SEMA6D: variants seen among roughly 807,000 people sequenced by gnomAD.
SEMA6D encodes the protein semaphorin-6D.
In SEMA6D, 35 loss-of-function variants were observed where a neutral mutation model predicts 106.6. That is an observed-to-expected ratio of 0.33 (90% CI 0.25 to 0.44). The LOEUF is 0.44. SEMA6D is among the 20% of genes least tolerant of loss of function. The probability of loss-of-function intolerance (pLI) is 1.00; values close to 1 mark genes in which losing one functional copy is unlikely to be tolerated. For synonymous variants in SEMA6D, 499 were observed against 487.7 expected (o/e 1.02, Z -0.31); for missense variants, 1,185 against 1,345.9 (o/e 0.88, Z 1.87).
At chr15:47,518,369 G>C (rs928599595) in intron 3 of SEMA6D, among the ~76,000 whole-genome samples, 1 of 152,126 alleles carries the variant, frequency 6.6e-6, no homozygotes, top group Non-Finnish European at 1.5e-5. Flanking sequence ...AAGCTCTTTG[G>C]TTCACTTTCT....
intron 3 of SEMA6D, among the ~76,000 whole-genome samples, chr15:47,584,256 C>G (rs1215172683): frequency 6.6e-6 from 1 of 152,170 alleles, no homozygotes; most frequent in Non-Finnish European, 1.5e-5. Flanking sequence ...AACCCCTTCT[C>G]TACTAAAAAT....
At chr15:47,608,516 G>A (rs542137690) in intron 4 of SEMA6D, among the ~76,000 whole-genome samples, 8 of 152,230 alleles carry the variant, frequency 5.3e-5, no homozygotes, top group Admixed American at 3.9e-4. Flanking sequence ...GTGGAGGAAA[G>A]CTACTTTTTT....
At chr15:47,214,359 G>T (rs2030355633) in intron 1 of SEMA6D, among the ~76,000 whole-genome samples, 2 of 152,142 alleles carry the variant, frequency 1.3e-5, no homozygotes, top group South Asian at 4.1e-4. Flanking sequence ...GAAAAGCACA[G>T]TCTGGAAGGC....
At chr15:47,384,618 GCT>G (rs1396149186) in intron 1 of SEMA6D, among the ~76,000 whole-genome samples, 1 of 152,016 alleles carries the variant, frequency 6.6e-6, no homozygotes, top group African/African-American at 2.4e-5. Context: ...TGAGTGGAGA[GCT>G]CCAAACGCCT....
At chr15:47,231,186 A>G (rs529655386) in intron 1 of SEMA6D, among the ~76,000 whole-genome samples, 1 of 151,126 alleles carries the variant, frequency 6.6e-6, no homozygotes, top group Non-Finnish European at 1.5e-5. Context: ...TTTGGCTTGA[A>G]TGTCGAGCTT....
chr15:47,415,255 G>A (rs1255466590), intron 2 of SEMA6D, among the ~76,000 whole-genome samples: 2 of 152,122 alleles, frequency 1.3e-5, no homozygotes, highest in African/African-American at 4.8e-5. Flanking sequence ...TGAATTGTGT[G>A]TGTATCTATT....
intron 1 of SEMA6D, among the ~76,000 whole-genome samples, chr15:47,277,858 A>C (rs62015683): frequency 0.62 from 89,566 of 145,432 alleles, 28,027 homozygotes; most frequent in East Asian, 0.92. Flanking sequence ...TGAGAATATG[A>C]GGTGTTTGGT....
intron 3 of SEMA6D, among the ~76,000 whole-genome samples, chr15:47,558,636 T>A (rs1204469950): frequency 6.6e-6 from 1 of 152,144 alleles, no homozygotes; most frequent in Non-Finnish European, 1.5e-5. Flanking sequence ...GGGAATCATT[T>A]ACTCTATCAT....
chr15:47,206,923 G>A lies in SEMA6D; in HGVS notation c.-239+22505G>A, dbSNP rs1895109000. Among the ~76,000 whole-genome samples, 3 of 151,826 alleles carry A rather than the reference G, an allele frequency of 2.0e-5. No homozygotes were observed. In the South Asian group the frequency reaches 6.2e-4, roughly 32 times the overall value. ...TCCTGGTTTGCTTCAGAAACAAACA[G>A]CAAAGAAGCCTCTCCAAAAATGCCT... On this transcript the variant is annotated intron_variant, in intron 1 of 19. Coordinates refer to the SEMA6D transcript ENST00000558014.
chr15:47,691,373 G>T (rs1166726457), intron 4 of SEMA6D, among the ~76,000 whole-genome samples: 3 of 152,078 alleles, frequency 2.0e-5, no homozygotes, highest in South Asian at 2.1e-4. Context: ...ACTAGAGGTG[G>T]TAGGCAGTAT....
At chr15:47,445,071 C>T (rs566405589) in intron 2 of SEMA6D, among the ~76,000 whole-genome samples, 1 of 152,186 alleles carries the variant, frequency 6.6e-6, no homozygotes, top group East Asian at 1.9e-4. Context: ...CTCCAATCAT[C>T]CCCAGCCAAA....
chr15:47,366,167 T>C (rs891908600), intron 1 of SEMA6D, among the ~76,000 whole-genome samples: 3 of 152,212 alleles, frequency 2.0e-5, no homozygotes, highest in Non-Finnish European at 2.9e-5. Context: ...TATTTATACA[T>C]AGTACATGCC....
chr15:47,764,320 A>G lies in SEMA6D; in HGVS notation c.1097+15A>G, dbSNP rs1023701244. The G allele has an allele frequency of 2.5e-6, 4 of 1,609,300 alleles. No individual in the cohort carries two copies. The African/African-American group carries it at 5.4e-5, about 22-fold the overall frequency. On this transcript the variant is annotated intron_variant, in intron 11 of 18. Transcript: ENST00000536845. ...CCAAAGCCAAGGTAAATAAAAAAGT[A>G]GAAAAGGGTTTTGTCTTGAACAAAA...
chr15:47,316,926 T>C (rs2036707032), intron 1 of SEMA6D, among the ~76,000 whole-genome samples: 1 of 152,206 alleles, frequency 6.6e-6, no homozygotes, highest in African/African-American at 2.4e-5. Context: ...GCTGGCCTCA[T>C]ATAACATGTT....
At position 47,764,993 on chromosome 15, in the gene SEMA6D, C is replaced by T. The variant is rs370604651; in HGVS notation, c.1364C>T (p.Thr455Ile). ...ATGGTACTTAAAGTTCTGGCAAAGACCAGTCCTTTCTCTTTGAACGACAGC... is the reference window on the plus strand; with the variant it reads ...ATGGTACTTAAAGTTCTGGCAAAGATCAGTCCTTTCTCTTTGAACGACAGC... ...AGMVLKVLAKTSPFSLNDSVL... is the reference protein window; with the variant it reads ...AGMVLKVLAKISPFSLNDSVL... Residue 455 changes from threonine to isoleucine, a missense_variant, in exon 13 of 19, where the codon ACC becomes ATC. Physicochemically the swap from Thr to Ile is moderately conservative, Grantham distance 89. Coordinates refer to ENST00000536845, the MANE Select transcript of SEMA6D (RefSeq NM_001358351.3). 6.8e-6 allele frequency: 11 copies of T among 1,613,912 alleles called. No homozygotes were observed. Among genetic ancestry groups the T allele is most frequent in the South Asian group, 5.5e-5 (5 of 91,080 alleles).
At chr15:47,463,818 G>A (rs1395648970) in intron 2 of SEMA6D, among the ~76,000 whole-genome samples, 1 of 152,122 alleles carries the variant, frequency 6.6e-6, no homozygotes, top group Non-Finnish European at 1.5e-5. Flanking sequence ...CCTTCTAAAG[G>A]CTTTAGGGAG....
chr15:47,432,877 A>G (rs751911318), intron 2 of SEMA6D, among the ~76,000 whole-genome samples: 23 of 152,118 alleles, frequency 1.5e-4, no homozygotes, highest in Non-Finnish European at 3.1e-4. Flanking sequence ...AAGATGTAAA[A>G]ATTATTTTTC....
At chr15:47,481,332 CT>C (rs1205069883) in intron 3 of SEMA6D, among the ~76,000 whole-genome samples, 1 of 152,174 alleles carries the variant, frequency 6.6e-6, no homozygotes, top group Non-Finnish European at 1.5e-5. Context: ...CCATTTATAG[CT>C]GCAGAGTAGC....
chr15:47,322,891 A>G (rs1248411202), intron 1 of SEMA6D, among the ~76,000 whole-genome samples: 1 of 152,180 alleles, frequency 6.6e-6, no homozygotes, highest in Non-Finnish European at 1.5e-5. Context: ...TTCCAAGGGA[A>G]AAGTCTAATT....
Sources: gnomAD v4.1 joint callset for allele counts (sites outside exome capture counted in the v4.1 genomes callset) on GRCh38, gnomAD v4.1.1 for gene constraint, MANE v1.5 for transcripts, NCBI Gene and HGNC (gene_info 2026-07-23, HGNC 2026-07-21) for gene names.